The following VPS8 variants were observed in gnomAD, a reference collection of about 807,000 sequenced individuals.
VPS8 encodes the protein vacuolar protein sorting-associated protein 8 homolog.
In VPS8, 129 loss-of-function variants were observed where a neutral mutation model predicts 216.4. The observed-to-expected ratio is 0.60, with a 90% CI of 0.52 to 0.69. The LOEUF (loss-of-function observed/expected upper bound fraction) is 0.69. Ranked by LOEUF, VPS8 falls within the 30% of genes least tolerant of loss-of-function variation. The probability of loss-of-function intolerance (pLI) is 0.00; values close to 1 mark genes in which losing one functional copy is unlikely to be tolerated. For synonymous variants in VPS8, 571 were observed against 565.4 expected, an observed-to-expected ratio of 1.01 and a Z score of -0.14; for missense variants, 1,531 against 1,683.5, an observed-to-expected ratio of 0.91 and a Z score of 1.59.
intron 36 of VPS8, among the ~76,000 whole-genome samples, chr3:184,957,016 T>G (rs1481950993): frequency 6.6e-6 from 1 of 152,176 alleles, no homozygotes; most frequent in Admixed American, 6.5e-5. Context: ...TTACTGAGAT[T>G]GGAAGATGGT....
Position 185,004,322 on chromosome 3 carries a change from A to G in VPS8, c.4002+4461A>G, listed in dbSNP as rs560226888. ...GCAAAACCCCGTCTCCACCAAAAAA[A>G]TACGAAAACCAGTCAGGCGTGGCGG... On this transcript the variant is annotated intron_variant, in intron 45 of 47. Transcript: ENST00000625842. Among the ~76,000 whole-genome samples, 4 of 152,298 alleles carry G rather than the reference A, an allele frequency of 2.6e-5. No individual in the cohort carries two copies. In the South Asian group the frequency reaches 8.3e-4, roughly 32 times the overall value.
intron 40 of VPS8, 37 bp downstream of exon 40, chr3:184,971,789 A>G (rs1407315486): frequency 6.4e-7 from 1 of 1,566,612 alleles, no homozygotes; most frequent in African/African-American, 1.4e-5. Flanking sequence ...AAAAGCCTGT[A>G]CTTGGCCAGA....
At chr3:184,999,406 A>G (rs915254301) in intron 44 of VPS8, among the ~76,000 whole-genome samples, 3 of 152,220 alleles carry the variant, frequency 2.0e-5, no homozygotes. Flanking sequence ...TCCGGATTTC[A>G]TAGTTTGAGA....
At position 184,834,719 on chromosome 3, in the gene VPS8, T is replaced by G. The variant is rs1159093125; in HGVS notation, c.424T>G (p.Ser142Ala). The change falls in exon 5 of 48, where the codon TCT (serine) becomes GCT (alanine). Residue 142 changes from serine (S) to alanine (A), a missense_variant. By Grantham distance (99) the Ser-to-Ala change is moderately conservative (BLOSUM62 1). Around this residue, in one of 3 missense-constraint regions of VPS8, gnomAD observed 199 missense variants for 182.2 expected, o/e 1.09. Transcript: ENST00000625842. ...GCGCCATTCACTTTTGAAGGGAATT[T>G]CTGCCCAGATAGTGTCTGCAGCTGT... ...VMRHSLLKGI[S>A]AQIVSAADKV... The G allele has an allele frequency of 1.9e-6, 3 of 1,562,992 alleles. No individual in the cohort carries two copies. The Admixed American group carries it at 5.7e-5, about 30-fold the overall frequency.
rs138074541 is a variant in VPS8 at position 184,930,785 on chromosome 3, A to G, written c.2898+217A>G. Reference sequence around the variant, plus strand: ...GACTTCTGAAACTAGCCCATGTTCAATCAGCCAGTGACAAACTATTATTAA... The same window carrying G: ...GACTTCTGAAACTAGCCCATGTTCAGTCAGCCAGTGACAAACTATTATTAA... On this transcript the variant is annotated intron_variant, in intron 34 of 47. Coordinates refer to ENST00000625842, the MANE Select transcript of VPS8 (RefSeq NM_001009921.3). Among the ~76,000 whole-genome samples, 483 of 152,342 alleles carry G rather than the reference A, an allele frequency of 3.2e-3. 6 individuals are homozygous for G. The highest frequency in any genetic ancestry group is 0.011 in the African/African-American group (454 of 41,578).
intron 15 of VPS8, among the ~76,000 whole-genome samples, chr3:184,862,276 A>C (rs1726526257): frequency 6.6e-6 from 1 of 152,222 alleles, no homozygotes; most frequent in African/African-American, 2.4e-5. Context: ...GATTTTATAC[A>C]TAACCCAAGA....
At chr3:184,995,982 A>C (rs1752562841) in intron 43 of VPS8, among the ~76,000 whole-genome samples, 1 of 152,246 alleles carries the variant, frequency 6.6e-6, no homozygotes, top group African/African-American at 2.4e-5. Context: ...GAGAGCAGTT[A>C]TTATATAAAT....
intron 46 of VPS8, among the ~76,000 whole-genome samples, chr3:185,044,975 A>G (rs550037663): frequency 6.6e-6 from 1 of 152,282 alleles, no homozygotes; most frequent in East Asian, 1.9e-4. Context: ...TCTGAAGCCA[A>G]ACTTTGATTT....
chr3:185,045,235 T>A (rs977139148), intron 46 of VPS8, among the ~76,000 whole-genome samples: 7 of 48,798 alleles, frequency 1.4e-4, no homozygotes, highest in African/African-American at 6.3e-4. Flanking sequence ...TGTGTTAGTG[T>A]AGAAAGATAA....
intron 45 of VPS8, among the ~76,000 whole-genome samples, chr3:185,021,515 C>G (rs556700409): frequency 6.6e-6 from 1 of 152,180 alleles, no homozygotes; most frequent in Non-Finnish European, 1.5e-5. Context: ...CTTTGAAAAT[C>G]TGTTTTCTCC....
At chr3:184,923,165 G>A (rs1036890140) in intron 29 of VPS8, among the ~76,000 whole-genome samples, 3 of 59,994 alleles carry the variant, frequency 5.0e-5, no homozygotes, top group African/African-American at 3.1e-4. Context: ...TGGAAGGAGG[G>A]AACTTGGAAC....
chr3:185,018,481 G>C (rs1346989955), intron 45 of VPS8, among the ~76,000 whole-genome samples: 1 of 152,202 alleles, frequency 6.6e-6, no homozygotes, highest in African/African-American at 2.4e-5. Flanking sequence ...AAGTTGGTCT[G>C]CAGTTACATT....
intron 45 of VPS8, among the ~76,000 whole-genome samples, chr3:185,013,303 GT>G (rs1377237660): frequency 6.6e-6 from 1 of 152,152 alleles, no homozygotes; most frequent in East Asian, 1.9e-4. Flanking sequence ...CTCCTTCTTT[GT>G]TTTGCAAAGT....
At chr3:184,963,647 C>G (rs961573362) in intron 37 of VPS8, among the ~76,000 whole-genome samples, 1 of 152,040 alleles carries the variant, frequency 6.6e-6, no homozygotes, top group African/African-American at 2.4e-5. Context: ...TCTAGGATCT[C>G]TAAGGTATTG....
chr3:184,888,156 T>G (rs1731647483), intron 22 of VPS8, among the ~76,000 whole-genome samples: 1 of 151,894 alleles, frequency 6.6e-6, no homozygotes, highest in Non-Finnish European at 1.5e-5. Flanking sequence ...CCCGGCTAAT[T>G]TTTTGTATTT....
intron 36 of VPS8, among the ~76,000 whole-genome samples, chr3:184,944,064 A>ACAC (rs1743237286): frequency 6.9e-6 from 1 of 144,650 alleles, no homozygotes; most frequent in Admixed American, 6.8e-5. Flanking sequence ...CACACACACA[A>ACAC]ACAAACATTT....
intron 1 of VPS8, 104 bp from the exon 2 acceptor site, chr3:184,824,441 A>C: frequency 1.7e-6 from 1 of 589,676 alleles, no homozygotes; most frequent in Non-Finnish European, 2.9e-6. Flanking sequence ...TCGGATGTTT[A>C]GGTGAAATCT....
At chr3:184,857,016 T>A (rs948212588) in intron 14 of VPS8, among the ~76,000 whole-genome samples, 1 of 152,226 alleles carries the variant, frequency 6.6e-6, no homozygotes, top group Non-Finnish European at 1.5e-5. Flanking sequence ...GCCATTGTGC[T>A]TGGCCACATT....
chr3:184,915,564 A>G, intron 28 of VPS8, 90 bp downstream of exon 28: 2 of 1,403,236 alleles, frequency 1.4e-6, no homozygotes, highest in Non-Finnish European at 1.9e-6. Context: ...TGTAATCCCA[A>G]CACTTTGGCC....
Sources: gnomAD v4.1 joint callset for allele counts (sites outside exome capture counted in the v4.1 genomes callset) on GRCh38, gnomAD v4.1.1 for gene constraint, gnomAD v4.1.1 regional missense constraint, MANE v1.5 for transcripts, NCBI Gene and HGNC (gene_info 2026-07-23, HGNC 2026-07-21) for gene names.